MKNK1: variants seen among roughly 807,000 people sequenced by gnomAD.
The protein encoded by MKNK1 is MAPK interacting serine/threonine kinase 1.
MKNK1 carries 30 observed loss-of-function variants against 49.3 expected under a neutral mutation model. The observed-to-expected ratio is 0.61, with a 90% CI of 0.46 to 0.83. MKNK1 has a LOEUF of 0.83. Among genes scored for constraint, MKNK1 ranks in the 40% least tolerant of loss-of-function variants. The pLI is 0.00. For missense variants in MKNK1, 423 were observed against 524.7 expected (o/e 0.81, Z 1.89); for synonymous variants, 176 against 201.7 (o/e 0.87, Z 1.08).
chr1:46,594,518 G>C (rs1673795026), intron 1 of MKNK1, among the ~76,000 whole-genome samples: 1 of 152,200 alleles, frequency 6.6e-6, no homozygotes. Flanking sequence ...GATTATTTGG[G>C]AAGGGGTGGC....
At chr1:46,582,641 T>G (rs1671913770) in intron 3 of MKNK1, among the ~76,000 whole-genome samples, 1 of 152,236 alleles carries the variant, frequency 6.6e-6, no homozygotes. Flanking sequence ...CCCCATCACA[T>G]GCCCAGTGAT....
rs770098653 is a variant in MKNK1 at position 46,568,465 on chromosome 1, A to G, written c.491T>C (p.Ile164Thr). The change falls in exon 8 of 13, where the codon ATA becomes ACA. Residue 164 changes from isoleucine to threonine, a missense_variant. By Grantham distance (89) the Ile-to-Thr change is moderately conservative (BLOSUM62 -1). Coordinates refer to ENST00000371945, the MANE Select transcript of MKNK1 (RefSeq NM_001135553.4). ...TACCTTTTCTGGAGATTCACACAATATATTTTCTGGTTTCAGATCACGATG... is the reference window on the plus strand; with the variant it reads ...TACCTTTTCTGGAGATTCACACAATGTATTTTCTGGTTTCAGATCACGATG... ...IAHRDLKPEN[I>T]LCESPEKVSP... 2.5e-6 allele frequency: 4 copies of G among 1,614,166 alleles called. No homozygotes were observed. Among genetic ancestry groups the G allele is most frequent in the South Asian group, 1.1e-5 (1 of 91,086 alleles).
rs192145534 is a variant in MKNK1, at chr1:46,559,070, C to T, written c.1014-270G>A. On this transcript the variant is annotated intron_variant, in intron 12 of 12. Transcript: ENST00000371945. ...CTCAGAGCACCCTCCTCTGAGCTCCCACAACTCTACATACAGGTCTACCAG... is the reference window on the plus strand; with the variant it reads ...CTCAGAGCACCCTCCTCTGAGCTCCTACAACTCTACATACAGGTCTACCAG... Among the ~76,000 whole-genome samples, 23 of 152,308 alleles carry T rather than the reference C, an allele frequency of 1.5e-4. No individual in the cohort carries two copies. In the East Asian group the frequency reaches 4.4e-3, roughly 29 times the overall value.
Position 46,574,969 on chromosome 1 carries a change from C to A in MKNK1, c.330G>T (p.Leu110Phe). Residue 110 changes from leucine (L) to phenylalanine (F), a missense_variant, in exon 6 of 13, where the codon TTG becomes TTT. Transcript: ENST00000371945. ...EFFEDDTRFYLVFEKLQGGSI... is the reference protein window; with the variant it reads ...EFFEDDTRFYFVFEKLQGGSI... ...TACCTCCTTGCAATTTCTCAAAGAC[C>A]AAGTAAAACCTTGTGTCATCTTCAA... The A allele has an allele frequency of 6.2e-7, 1 of 1,613,162 alleles. No individual in the cohort carries two copies. The highest frequency in any genetic ancestry group is 8.5e-7 in the Non-Finnish European group (1 of 1,179,408).
rs1667373571 is a variant in MKNK1, at chr1:46,558,637, G to A, written c.1177C>T (p.Arg393Trp). The change falls in exon 13 of 13, where the codon CGG becomes TGG. Residue 393 changes from arginine to tryptophan, a missense_variant. Coordinates refer to ENST00000371945, the MANE Select transcript of MKNK1 (RefSeq NM_001135553.4). ...LSPPCKSRLA[R>W]RRALAQAGRG... ...CCTGCCTGGGCCAGGGCCCGTCTCC[G>A]GGCCAGGCGTGACTTGCAGGGAGGG... 5.6e-6 allele frequency: 9 copies of A among 1,614,068 alleles called. No homozygotes were observed. Among genetic ancestry groups the A allele is most frequent in the Non-Finnish European group, 7.6e-6 (9 of 1,180,012 alleles).
At chr1:46,564,963 AC>A (rs1668801943) in intron 9 of MKNK1, 77 bp downstream of exon 9, 1 of 1,380,222 alleles carries the variant, frequency 7.2e-7, no homozygotes, top group Non-Finnish European at 1.0e-6. Flanking sequence ...TCCATCCTTA[AC>A]CCTCTGTTCT....
chr1:46,560,862 A>T (rs1180209382), intron 11 of MKNK1, among the ~76,000 whole-genome samples: 5 of 152,206 alleles, frequency 3.3e-5, no homozygotes, highest in African/African-American at 1.2e-4. Context: ...TGGTAGGGTC[A>T]CTGAGGCTGG....
intron 2 of MKNK1, chr1:46,585,868 G>A: frequency 7.6e-7 from 1 of 1,309,924 alleles, no homozygotes; most frequent in Non-Finnish European, 1.0e-6. Flanking sequence ...CACAAAGACA[G>A]AGTACCTGGT....
intron 2 of MKNK1, among the ~76,000 whole-genome samples, chr1:46,583,951 T>C (rs1672132404): frequency 6.6e-6 from 1 of 152,180 alleles, no homozygotes; most frequent in South Asian, 2.1e-4. Flanking sequence ...AGCTCCTCCA[T>C]CGGAAGGGCT....
chr1:46,564,912 A>G, intron 9 of MKNK1, 129 bp downstream of exon 9: 1 of 901,962 alleles, frequency 1.1e-6, no homozygotes, highest in Admixed American at 2.2e-5. Context: ...CAGCAAGCAA[A>G]ATGATCACTC....
chr1:46,568,486 CGAT>C lies in MKNK1; in HGVS notation c.467_469del (p.His156del). ...CAATATATTTTCTGGTTTCAGATCA[CGAT>C]GAGCAATGCCTGACATGACAAAGAG... On this transcript the variant is annotated inframe_deletion, in exon 8 of 13. Transcript: ENST00000371945. 2 of 1,614,024 alleles carry C rather than the reference CGAT, an allele frequency of 1.2e-6. No individual in the cohort carries two copies. The highest frequency in any genetic ancestry group is 1.7e-6 in the Non-Finnish European group (2 of 1,179,962).
chr1:46,565,592 T>C (rs1668918777), intron 8 of MKNK1, among the ~76,000 whole-genome samples: 1 of 152,150 alleles, frequency 6.6e-6, no homozygotes, highest in Non-Finnish European at 1.5e-5. Flanking sequence ...GCTTGGGACT[T>C]GATCAGTTTA....
intron 12 of MKNK1, among the ~76,000 whole-genome samples, 164 bp from the exon 13 acceptor site, chr1:46,558,964 A>C (rs1338851068): frequency 6.6e-6 from 1 of 152,184 alleles, no homozygotes; most frequent in African/African-American, 2.4e-5. Flanking sequence ...TAGGTTTGGA[A>C]TCTTTCTTGA....
chr1:46,585,249 C>CAAAAAA (rs58692301), intron 2 of MKNK1, among the ~76,000 whole-genome samples: 4 of 62,134 alleles, frequency 6.4e-5, no homozygotes, highest in Non-Finnish European at 1.2e-4. Context: ...GATTCCGTCT[C>CAAAAAA]AAAAAAAAAA....
In MKNK1 at chr1:46,575,038, G is replaced by A. The variant is rs1670748841; in HGVS notation, c.279-18C>T. The A allele has an allele frequency of 1.3e-6, 2 of 1,528,288 alleles. No homozygotes were observed. The highest frequency in any genetic ancestry group is 1.8e-6 in the Non-Finnish European group (2 of 1,105,120). The allele number at this position is 1,528,288 out of a possible 1,614,324, so 94.7% of individuals were successfully genotyped here. On this transcript the variant is annotated intron_variant, in intron 5 of 12. Transcript: ENST00000371945. ...AAATGTTCCTTAAATAGGGAAAATA[G>A]GAGGAGAGGGAAAAGGGGGGAAATG...
At chr1:46,581,353 T>C (rs1186826312) in intron 3 of MKNK1, among the ~76,000 whole-genome samples, 1 of 151,614 alleles carries the variant, frequency 6.6e-6, no homozygotes, top group Non-Finnish European at 1.5e-5. Context: ...CTACTAAAAA[T>C]ACAAAAATTA....
At chr1:46,586,717 T>C (rs539202370) in intron 2 of MKNK1, among the ~76,000 whole-genome samples, 11 of 152,354 alleles carry the variant, frequency 7.2e-5, no homozygotes, top group East Asian at 3.9e-4. Context: ...GTAAGGCTAC[T>C]TAGTTTTATG....
intron 2 of MKNK1, among the ~76,000 whole-genome samples, chr1:46,584,105 A>G (rs1672153300): frequency 6.6e-6 from 1 of 152,248 alleles, no homozygotes. Context: ...TGAGGCAGGC[A>G]TTCAGACACT....
chr1:46,562,458 T>C (rs1270211828), intron 10 of MKNK1, among the ~76,000 whole-genome samples, 191 bp downstream of exon 10: 1 of 148,158 alleles, frequency 6.7e-6, no homozygotes, highest in Non-Finnish European at 1.5e-5. Context: ...AATCCTGCCC[T>C]GAACTCCCAG....
Sources: allele counts gnomAD v4.1 joint callset (sites outside exome capture counted in the v4.1 genomes callset), GRCh38; gene constraint gnomAD v4.1.1; transcripts MANE v1.5; gene names NCBI Gene and HGNC (gene_info 2026-07-23, HGNC 2026-07-21).